The following SULT6B1 variants were observed in gnomAD, a reference collection of about 807,000 sequenced individuals.
SULT6B1 encodes sulfotransferase family 6B member 1, also known as sulfotransferase 6B1.
Under a neutral mutation model 37.2 loss-of-function variants are expected in SULT6B1, and 44 were observed. The ratio of observed to expected loss-of-function variants is 1.18; its 90% CI spans 0.93 to 1.52. The LOEUF is 1.52. Among genes scored for constraint, SULT6B1 ranks in the 40% most tolerant of loss-of-function variants. The probability of loss-of-function intolerance (pLI) is 0.00; values close to 1 mark genes in which losing one functional copy is unlikely to be tolerated. For synonymous variants in SULT6B1, 140 were observed against 126.0 expected (o/e 1.11, Z -0.74); for missense variants, 450 against 361.0 (o/e 1.25, Z -2.00).
intron 1 of SULT6B1, among the ~76,000 whole-genome samples, chr2:37,187,957 A>G (rs1230887272): frequency 6.6e-6 from 1 of 152,222 alleles, no homozygotes; most frequent in African/African-American, 2.4e-5. Context: ...TAGATTCTTC[A>G]TGTCTTATTT....
chr2:37,170,914 G>A (rs11687555), intron 6 of SULT6B1, among the ~76,000 whole-genome samples: 28,643 of 151,772 alleles, frequency 0.19, 2,863 homozygotes, highest in South Asian at 0.32. Flanking sequence ...TCATCAGAAA[G>A]GACTCTCAAC....
intron 5 of SULT6B1, among the ~76,000 whole-genome samples, chr2:37,173,193 G>C (rs1483472538): frequency 6.6e-6 from 1 of 152,040 alleles, no homozygotes; most frequent in East Asian, 1.9e-4. Context: ...ATGTAAGACT[G>C]GTGTTAGAAA....
chr2:37,183,370 A>G (rs1676596957), intron 3 of SULT6B1, 55 bp downstream of exon 3: 8 of 1,365,772 alleles, frequency 5.9e-6, no homozygotes, highest in Admixed American at 1.9e-5. Flanking sequence ...ACTTCCAAAA[A>G]CTAATATCTA....
At chr2:37,174,855 A>AT (rs549071862) in intron 5 of SULT6B1, among the ~76,000 whole-genome samples, 4,453 of 151,582 alleles carry the variant, frequency 0.029, 72 homozygotes, top group Non-Finnish European at 0.043. Context: ...AGACCTACCT[A>AT]TTTTTTTTTA....
rs191816202 is a variant in SULT6B1, at chr2:37,169,029, G to C, written c.782-964C>G. 1.5e-3 allele frequency among the ~76,000 whole-genome samples: 235 copies of C among 152,286 alleles called. 1 individual carries two copies. The highest frequency in any genetic ancestry group is 5.5e-3 in the African/African-American group (229 of 41,558). The stretch of plus-strand genomic sequence containing the variant: ...AGGGTGGAAGAAAATATGCCAGAAA[G>C]TTAAACCTACCTCTGGTGGAAGAAA... On this transcript the variant is annotated intron_variant, in intron 6 of 6. Transcript: ENST00000535679.
At chr2:37,186,770 C>T (rs144995509) in intron 2 of SULT6B1, among the ~76,000 whole-genome samples, 2 of 152,060 alleles carry the variant, frequency 1.3e-5, no homozygotes, top group South Asian at 2.1e-4. Flanking sequence ...CTGGCACGTG[C>T]CTGCAGTCCC....
chr2:37,170,737 CAA>C (rs10617061), intron 6 of SULT6B1, among the ~76,000 whole-genome samples: 3,627 of 94,042 alleles, frequency 0.039, 70 homozygotes, highest in African/African-American at 0.041. Context: ...GATTCTGTCT[CAA>C]AAAAAAAAAA....
At chr2:37,173,894 C>G (rs1291214574) in intron 5 of SULT6B1, among the ~76,000 whole-genome samples, 4 of 152,226 alleles carry the variant, frequency 2.6e-5, no homozygotes, top group Non-Finnish European at 5.9e-5. Flanking sequence ...CCAGAATGAT[C>G]TTGTTAAAAA....
At position 37,187,221 on chromosome 2, in the gene SULT6B1, G is replaced by A. The variant is rs920528517; in HGVS notation, c.312+134C>T. The A allele has an allele frequency of 9.9e-6, 6 of 608,286 alleles. No homozygotes were observed. In the African/African-American group the frequency reaches 1.1e-4, roughly 11 times the overall value. 37.7% of individuals were successfully genotyped at this position (608,286 alleles called of 1,614,324 possible). A position where few individuals can be genotyped will look rare whatever the true frequency, so the allele number is the denominator to read the frequency against. ...GAGATGATACCTGAACAGTGCTGAG[G>A]ATATGGTAAGCACACAGTAAATTGT... On this transcript the variant is annotated intron_variant, in intron 2 of 6. Transcript: ENST00000535679.
At chr2:37,194,324 C>A (rs1676847298) in intron 1 of SULT6B1, 1 of 234,700 alleles carries the variant, frequency 4.3e-6, no homozygotes, top group Non-Finnish European at 8.4e-6. Context: ...AAGTGATCTG[C>A]CCATCTTGGC....
intron 6 of SULT6B1, 123 bp downstream of exon 6, chr2:37,171,311 C>T (rs1676292152): frequency 8.4e-7 from 1 of 1,187,724 alleles, no homozygotes; most frequent in South Asian, 1.6e-5. Context: ...TGTGTCCAGA[C>T]CTCTTACTGA....
intron 5 of SULT6B1, among the ~76,000 whole-genome samples, chr2:37,173,367 GTCA>G (rs1676346392): frequency 2.0e-5 from 3 of 151,748 alleles, no homozygotes; most frequent in African/African-American, 7.3e-5. Context: ...CAAGTTCTTG[GTCA>G]TCTTCTCTAT....
At chr2:37,184,622 G>A (rs114951566) in intron 2 of SULT6B1, among the ~76,000 whole-genome samples, 1 of 152,204 alleles carries the variant, frequency 6.6e-6, no homozygotes, top group Non-Finnish European at 1.5e-5. Context: ...TAAAAACTTA[G>A]TGGAGGCTGG....
chr2:37,183,476 A>C lies in SULT6B1; in HGVS notation c.351T>G (p.Thr117=). 1 of 1,614,164 alleles carries C rather than the reference A, an allele frequency of 6.2e-7. No individual in the cohort carries two copies. The highest frequency in any genetic ancestry group is 2.2e-5 in the East Asian group (1 of 44,884). Residue 117 remains threonine (T), a synonymous_variant, in exon 3 of 7, where the codon ACT becomes ACG. Transcript: ENST00000535679. Reference sequence around the variant, plus strand: ...CAGGTAATTTGTCATAGTGGAGGTGAGTTGCCAAAATCCTTGGTGATGGAA... The same window carrying C: ...CAGGTAATTTGTCATAGTGGAGGTGCGTTGCCAAAATCCTTGGTGATGGAA... ...KGFPSPRILA[T]HLHYDKLPGS...
rs762906847 is a variant in SULT6B1, at chr2:37,167,973, C to G, written c.874G>C (p.Gly292Arg). 29 of 1,599,822 alleles carry G rather than the reference C, an allele frequency of 1.8e-5. No homozygotes were observed. The highest frequency in any genetic ancestry group is 2.7e-5 in the African/African-American group (2 of 74,062). Residue 292 changes from glycine (G) to arginine (R), a missense_variant, in exon 7 of 7, where the codon GGA (glycine) becomes CGA (arginine). By Grantham distance (125) the Gly-to-Arg change is moderately radical (BLOSUM62 -2). Coordinates refer to ENST00000535679, the MANE Select transcript of SULT6B1 (RefSeq NM_001367551.1). ...TATGATTCATACTTCAACTTTGCTCCGAGGGAGGTGCCTGCTAAGCACTCT... is the reference window on the plus strand; with the variant it reads ...TATGATTCATACTTCAACTTTGCTCGGAGGGAGGTGCCTGCTAAGCACTCT... ...FKECLAGTSL[G>R]AKLKYESYCQ...
intron 5 of SULT6B1, among the ~76,000 whole-genome samples, 156 bp downstream of exon 5, chr2:37,174,976 A>G (rs1676382030): frequency 6.6e-6 from 1 of 152,244 alleles, no homozygotes; most frequent in Non-Finnish European, 1.5e-5. Context: ...GCATGTATGC[A>G]TGGTTTGAAT....
intron 6 of SULT6B1, among the ~76,000 whole-genome samples, chr2:37,170,694 T>C (rs1021670649): frequency 1.3e-4 from 18 of 138,762 alleles, no homozygotes; most frequent in Non-Finnish European, 3.0e-5. Flanking sequence ...GCCAAGATTG[T>C]GCCACTGCAT....
At chr2:37,191,497 C>T (rs189018418), upstream of SULT6B1, among the ~76,000 whole-genome samples, 10 of 152,294 alleles carry the variant, frequency 6.6e-5, no homozygotes, top group African/African-American at 2.4e-4. Context: ...GGGTTGGCTG[C>T]AGGCACGAGC....
rs375332511 is a variant in SULT6B1 at position 37,171,487 on chromosome 2, C to T, written c.728G>A (p.Arg243His). 3.2e-5 allele frequency: 51 copies of T among 1,614,062 alleles called. No homozygotes were observed. The highest frequency in any genetic ancestry group is 3.3e-4 in the Middle Eastern group (2 of 6,084). Residue 243 changes from arginine to histidine, a missense_variant, in exon 6 of 7, where the codon CGT becomes CAT. By Grantham distance (29) the Arg-to-His change is conservative. Transcript: ENST00000535679. ...ISVQSTFQAM[R>H]AKSQDTHGAV... ...ACCGTGTGTGTCCTGAGACTTCGCA[C>T]GCATGGCTTGGAAGGTGCTCTGGAC...
Sources: gnomAD v4.1 joint callset for allele counts (sites outside exome capture counted in the v4.1 genomes callset) on GRCh38, gnomAD v4.1.1 for gene constraint, MANE v1.5 for transcripts, NCBI Gene and HGNC (gene_info 2026-07-23, HGNC 2026-07-21) for gene names.